CCDC171: variants seen among roughly 807,000 people sequenced by gnomAD.
CCDC171 encodes the protein coiled-coil domain-containing protein 171.
Under a neutral mutation model 168.2 loss-of-function variants are expected in CCDC171, and 177 were observed. That is an observed-to-expected ratio of 1.05 (90% CI 0.93 to 1.19). CCDC171 has a LOEUF of 1.19. Among genes scored for constraint, CCDC171 ranks in the 50% most tolerant of loss-of-function variants. The pLI, the probability that CCDC171 is intolerant of heterozygous loss-of-function variation, is 0.00. For synonymous variants in CCDC171, 687 were observed against 540.8 expected (o/e 1.27, Z -3.75); for missense variants, 1,991 against 1,539.0 (o/e 1.29, Z -4.91).
chr9:15,744,769 A>C lies in CCDC171; in HGVS notation c.2546A>C (p.Lys849Thr). 5 of 1,606,120 alleles carry C rather than the reference A, an allele frequency of 3.1e-6. No homozygotes were observed. The highest frequency in any genetic ancestry group is 4.5e-5 in the East Asian group (2 of 44,744). Residue 849 changes from lysine (K) to threonine (T), a missense_variant, in exon 17 of 26, where the codon AAA becomes ACA. Physicochemically the swap from Lys to Thr is moderately conservative, Grantham distance 78. Transcript: ENST00000380701. Reference protein sequence around the residue: ...VCTGEPQDKHKFPKHQKEQLR... With the variant: ...VCTGEPQDKHTFPKHQKEQLR... ...ACAGGAGAGCCCCAAGACAAGCATA[A>C]ATTTCCAAGTAAGATAATTTCTGCT...
upstream of CCDC171, among the ~76,000 whole-genome samples, chr9:16,039,129 A>G (rs1260307117): frequency 1.3e-5 from 2 of 152,210 alleles, no homozygotes; most frequent in Admixed American, 1.3e-4. Flanking sequence ...GGGAATGATA[A>G]TGAGAGTTGT....
intron 3 of CCDC171, among the ~76,000 whole-genome samples, chr9:15,999,311 AAG>A (rs1832467758): frequency 6.7e-6 from 1 of 149,724 alleles, no homozygotes; most frequent in South Asian, 2.1e-4. Context: ...AGGAAGGAAA[AAG>A]AAAGAAAAGA....
At chr9:16,067,849 T>G in the CCDC171 span, among the ~76,000 whole-genome samples, 1 of 152,230 alleles carries the variant, frequency 6.6e-6, no homozygotes, top group Non-Finnish European at 1.5e-5. Flanking sequence ...AGTGCCGTGC[T>G]GTTTTGGTTA....
intron 3 of CCDC171, among the ~76,000 whole-genome samples, chr9:16,008,844 C>T (rs183466651): frequency 6.6e-6 from 1 of 152,146 alleles, no homozygotes; most frequent in Non-Finnish European, 1.5e-5. Context: ...GGGTTCCACT[C>T]GCTATGCCCA....
chr9:15,766,802 T>A (rs992244669), intron 18 of CCDC171, among the ~76,000 whole-genome samples: 3 of 152,096 alleles, frequency 2.0e-5, no homozygotes, highest in African/African-American at 4.8e-5. Context: ...ACTACAGATG[T>A]GTGCTACCAC....
Position 15,973,208 on chromosome 9 carries a change from G to C in CCDC171, c.*1372G>C, listed in dbSNP as rs1831505903. On this transcript the variant is annotated 3_prime_UTR_variant, in exon 26 of 26. Transcript: ENST00000380701. ...CTATTAACTTCTGATGTGAACTATA[G>C]CTTTTGACAAAGAGTCTTGATACAT... The C allele has an allele frequency of 2.0e-5, 3 of 152,088 alleles. No homozygotes were observed. The highest frequency in any genetic ancestry group is 6.6e-5 in the Admixed American group (1 of 15,258). 9.4% of individuals were successfully genotyped at this position (152,088 alleles called of 1,614,324 possible). A position where few individuals can be genotyped will look rare whatever the true frequency, so the allele number is the denominator to read the frequency against.
intron 2 of CCDC171, among the ~76,000 whole-genome samples, chr9:15,566,219 C>G (rs1554678889): frequency 6.7e-6 from 1 of 149,960 alleles, no homozygotes; most frequent in Non-Finnish European, 1.5e-5. Flanking sequence ...TGTTATTGAG[C>G]TTTAGGAGTG....
chr9:15,574,389 C>A (rs1157560044), intron 3 of CCDC171, among the ~76,000 whole-genome samples: 1 of 151,992 alleles, frequency 6.6e-6, no homozygotes, highest in Non-Finnish European at 1.5e-5. Context: ...GTGATCCACC[C>A]GCCTTGGCCT....
chr9:15,784,140 C>T (rs570736748), intron 20 of CCDC171, among the ~76,000 whole-genome samples: 1 of 152,230 alleles, frequency 6.6e-6, no homozygotes, highest in South Asian at 2.1e-4. Context: ...ACGCTGAACA[C>T]AAACTTCTAG....
At chr9:15,911,511 A>T (rs898482601) in intron 24 of CCDC171, among the ~76,000 whole-genome samples, 13 of 152,144 alleles carry the variant, frequency 8.5e-5, no homozygotes, top group Non-Finnish European at 1.5e-4. Flanking sequence ...GTTCACTCTG[A>T]TGATAGTTTC....
intron 21 of CCDC171, among the ~76,000 whole-genome samples, chr9:15,799,998 C>T (rs1357820721): frequency 6.6e-6 from 1 of 152,074 alleles, no homozygotes; most frequent in Admixed American, 6.6e-5. Flanking sequence ...TGTATAAGTA[C>T]CACATTTTCT....
chr9:15,897,287 T>G (rs930223904), intron 24 of CCDC171, among the ~76,000 whole-genome samples: 18 of 151,746 alleles, frequency 1.2e-4, no homozygotes, highest in Admixed American at 1.1e-3. Flanking sequence ...TGTTTTCCTT[T>G]TTTCCAAGTC....
rs1451946004 is a variant in CCDC171 at position 15,821,781 on chromosome 9, GC to G, written c.3268-24919del. The stretch of plus-strand genomic sequence containing the variant: ...GCCCAAGGTAATTTATACATTCAAT[GC>G]CATCCCCATCAAGCTACCAATGACT... On this transcript the variant is annotated intron_variant, in intron 21 of 25. Transcript: ENST00000380701. 2.6e-5 allele frequency among the ~76,000 whole-genome samples: 3 copies of G among 116,144 alleles called. 1 individual carries two copies. The highest frequency in any genetic ancestry group is 9.8e-5 in the African/African-American group (3 of 30,574). 76.2% of individuals were successfully genotyped at this position (116,144 alleles called of 152,430 possible).
chr9:15,630,095 G>A (rs1295264731), intron 7 of CCDC171, among the ~76,000 whole-genome samples: 10 of 152,254 alleles, frequency 6.6e-5, no homozygotes, highest in African/African-American at 1.4e-4. Context: ...AAAGACCATC[G>A]AGGCTAGGAA....
intron 21 of CCDC171, among the ~76,000 whole-genome samples, chr9:15,814,848 T>G (rs1377090887): frequency 6.6e-6 from 1 of 152,222 alleles, no homozygotes; most frequent in East Asian, 1.9e-4. Context: ...AGTGTAGTAC[T>G]TGTCTTCATG....
chr9:16,060,702 A>G (rs1226292138), exon 2 of CCDC171: 1 of 152,246 alleles, frequency 6.6e-6, no homozygotes, highest in African/African-American at 2.4e-5. Flanking sequence ...TGCCAACAGA[A>G]GGCTTTGTGA....
intron 24 of CCDC171, among the ~76,000 whole-genome samples, chr9:15,919,122 T>C (rs764148086): frequency 6.6e-6 from 1 of 151,630 alleles, no homozygotes. Context: ...AAAACCAGGA[T>C]AGAAGTTAAC....
chr9:16,088,570 C>G, the CCDC171 span, among the ~76,000 whole-genome samples: 1 of 151,910 alleles, frequency 6.6e-6, no homozygotes, highest in Non-Finnish European at 1.5e-5. Flanking sequence ...TTCTTATACA[C>G]CAATAACAGA....
chr9:15,564,549 T>A (rs1295076246), intron 2 of CCDC171, among the ~76,000 whole-genome samples: 1 of 152,282 alleles, frequency 6.6e-6, no homozygotes, highest in Admixed American at 6.5e-5. Context: ...TTAGCTCCTG[T>A]TGCTGTTTCG....
Sources: allele counts gnomAD v4.1 joint callset (sites outside exome capture counted in the v4.1 genomes callset), GRCh38; gene constraint gnomAD v4.1.1; transcripts MANE v1.5; gene names NCBI Gene and HGNC (gene_info 2026-07-23, HGNC 2026-07-21).